The following C10orf67 variants were observed in gnomAD, a reference collection of about 807,000 sequenced individuals.
C10orf67 encodes the protein chromosome 10 open reading frame 67.
A neutral mutation model predicts 35.6 loss-of-function variants in C10orf67; 60 were observed. The ratio of observed to expected loss-of-function variants is 1.68; its 90% CI spans 1.37 to 2.09. The LOEUF (loss-of-function observed/expected upper bound fraction) is 2.09, where lower values mean the gene tolerates loss of function less well. Ranked by LOEUF, C10orf67 falls within the 30% of genes most tolerant of loss-of-function variation. The pLI, the probability that C10orf67 is intolerant of heterozygous loss-of-function variation, is 0.00. For missense variants in C10orf67, 474 were observed against 330.2 expected (o/e 1.44, Z -3.38); for synonymous variants, 167 against 115.8 (o/e 1.44, Z -2.84).
chr10:23,314,997 G>C (rs2132317745), intron 4 of C10orf67, among the ~76,000 whole-genome samples: 1 of 152,116 alleles, frequency 6.6e-6, no homozygotes, highest in Middle Eastern at 3.4e-3. Flanking sequence ...ATTTATACTT[G>C]TCAATCTACA....
rs1441818558 is a variant in C10orf67, at chr10:23,268,211, C to T, written c.976-957G>A. Reference sequence around the variant, plus strand: ...TCAGGTAGCTGAAGCAGGAGAATCGCTTGAGTCCAGGAGTTTGAGGTTACA... The same window carrying T: ...TCAGGTAGCTGAAGCAGGAGAATCGTTTGAGTCCAGGAGTTTGAGGTTACA... On this transcript the variant is annotated intron_variant, in intron 8 of 15. Transcript: ENST00000636213. 2.0e-5 allele frequency among the ~76,000 whole-genome samples: 3 copies of T among 152,156 alleles called. No homozygotes were observed. The East Asian group carries it at 5.8e-4, about 29-fold the overall frequency.
At chr10:23,241,835 A>G (rs1002956658) in intron 12 of C10orf67, among the ~76,000 whole-genome samples, 2 of 152,216 alleles carry the variant, frequency 1.3e-5, no homozygotes, top group African/African-American at 2.4e-5. Flanking sequence ...ACCTAGGGAC[A>G]TCATAATAAA....
At chr10:23,229,112 C>T (rs1232027059) in intron 13 of C10orf67, among the ~76,000 whole-genome samples, 1 of 152,070 alleles carries the variant, frequency 6.6e-6, no homozygotes, top group Non-Finnish European at 1.5e-5. Context: ...ATAAATCATG[C>T]TGCTATAAAG....
At position 23,333,129 on chromosome 10, in the gene C10orf67, G is replaced by A. The variant is rs765296264; in HGVS notation, c.260C>T (p.Thr87Ile). 1.2e-6 allele frequency: 2 copies of A among 1,610,264 alleles called. No homozygotes were observed. Among genetic ancestry groups the A allele is most frequent in the African/African-American group, 1.3e-5 (1 of 74,850 alleles). Residue 87 changes from threonine to isoleucine, a missense_variant, in exon 2 of 16, where the codon ACT (threonine) becomes ATT (isoleucine). Thr to Ile is a moderately conservative substitution (Grantham distance 89). Coordinates refer to ENST00000636213, the MANE Select transcript of C10orf67 (RefSeq NM_001371909.1). ...KIGFFSTDHATQTDSSEILSV... is the reference protein window; with the variant it reads ...KIGFFSTDHAIQTDSSEILSV... The stretch of plus-strand genomic sequence containing the variant: ...CAGTATTTCACTGGAATCAGTTTGA[G>A]TGGCATGGTCTGTGCTGAAAAAGCC...
At position 23,203,937 on chromosome 10, in the gene C10orf67, C is replaced by G. The variant is rs943822751; in HGVS notation, c.*236G>C. The G allele has an allele frequency of 5.9e-6, 2 of 341,242 alleles. No homozygotes were observed. The highest frequency in any genetic ancestry group is 1.0e-5 in the Non-Finnish European group (2 of 190,900). The allele number at this position is 341,242 out of a possible 1,614,324, so 21.1% of individuals were successfully genotyped here. On this transcript the variant is annotated 3_prime_UTR_variant, in exon 16 of 16. Coordinates refer to ENST00000636213, the MANE Select transcript of C10orf67 (RefSeq NM_001371909.1). ...GTTGCCCCGGAGGTTCAGTGCGCCC[C>G]GCTCACCCAGCACCAGCCAGGGCTT...
chr10:23,338,237 C>T (rs1845760426), intron 1 of C10orf67, among the ~76,000 whole-genome samples: 1 of 152,150 alleles, frequency 6.6e-6, no homozygotes, highest in Non-Finnish European at 1.5e-5. Flanking sequence ...TTTGCAGCCA[C>T]CCCTGCTTGC....
At chr10:23,228,541 T>A (rs543819972) in intron 13 of C10orf67, among the ~76,000 whole-genome samples, 132 of 152,130 alleles carry the variant, frequency 8.7e-4, no homozygotes, top group Non-Finnish European at 1.7e-3. Flanking sequence ...AAGGACTTCA[T>A]CTCTAAAACA....
intron 4 of C10orf67, among the ~76,000 whole-genome samples, chr10:23,313,300 T>C (rs766800182): frequency 1.3e-5 from 2 of 152,160 alleles, no homozygotes; most frequent in African/African-American, 4.8e-5. Flanking sequence ...AATCAGACAA[T>C]GGGTGGATGA....
chr10:23,264,740 G>A (rs1362992582), intron 10 of C10orf67, among the ~76,000 whole-genome samples: 1 of 152,120 alleles, frequency 6.6e-6, no homozygotes, highest in African/African-American at 2.4e-5. Flanking sequence ...TGCTACAGCT[G>A]CCCCCTGCTG....
In C10orf67 at chr10:23,280,329, C is replaced by T. The variant is rs60554629; in HGVS notation, c.975+1684G>A. On this transcript the variant is annotated intron_variant, in intron 8 of 15. Coordinates refer to ENST00000636213, the MANE Select transcript of C10orf67 (RefSeq NM_001371909.1). ...ACAAAACGACTGTGGTCAACTCCACCTTCTCCCACTCTCCCTTGTCAGTGC... is the reference window on the plus strand; with the variant it reads ...ACAAAACGACTGTGGTCAACTCCACTTTCTCCCACTCTCCCTTGTCAGTGC... Among the ~76,000 whole-genome samples the T allele has an allele frequency of 3.0e-3, 459 of 152,334 alleles. 13 individuals carry two copies. The East Asian group carries it at 0.049, about 16-fold the overall frequency.
intron 12 of C10orf67, among the ~76,000 whole-genome samples, chr10:23,245,591 T>A (rs998489821): frequency 6.6e-6 from 1 of 152,258 alleles, no homozygotes; most frequent in South Asian, 2.1e-4. Context: ...AATGGCCAAG[T>A]ATATGAAAAA....
intron 13 of C10orf67, among the ~76,000 whole-genome samples, chr10:23,229,834 C>T (rs1330474949): frequency 6.6e-6 from 1 of 151,920 alleles, no homozygotes; most frequent in Non-Finnish European, 1.5e-5. Flanking sequence ...TGAAATAATA[C>T]CTAAACAAAA....
intron 10 of C10orf67, among the ~76,000 whole-genome samples, chr10:23,262,678 C>A (rs1842784427): frequency 6.6e-6 from 1 of 152,168 alleles, no homozygotes; most frequent in Non-Finnish European, 1.5e-5. Context: ...TTGACAACAT[C>A]TTTTCATGTA....
Position 23,239,817 on chromosome 10 carries a change from C to A in C10orf67, c.1347-1G>T. On this transcript the variant is annotated splice_acceptor_variant, in intron 12 of 15. Transcript: ENST00000636213. LOFTEE classifies it high-confidence loss of function. Reference sequence around the variant, plus strand: ...CATCTCATTCTTAAGGACATGAAAGCTGAAATTTTAAAAATGATGAAACTT... The same window carrying A: ...CATCTCATTCTTAAGGACATGAAAGATGAAATTTTAAAAATGATGAAACTT... 1 of 611,604 alleles carries A rather than the reference C, an allele frequency of 1.6e-6. No homozygotes were observed. The highest frequency in any genetic ancestry group is 3.2e-6 in the Non-Finnish European group (1 of 312,766). 37.9% of individuals were successfully genotyped at this position (611,604 alleles called of 1,614,324 possible). A position where few individuals can be genotyped will look rare whatever the true frequency, so the allele number is the denominator to read the frequency against.
chr10:23,303,450 C>G lies in C10orf67; in HGVS notation c.556G>C (p.Glu186Gln), dbSNP rs968198360. Residue 186 changes from glutamate (E) to glutamine (Q), a missense_variant, in exon 5 of 16, where the codon GAG (glutamate) becomes CAG (glutamine). Physicochemically the swap from Glu to Gln is conservative, Grantham distance 29 (BLOSUM62 2). Coordinates refer to ENST00000636213, the MANE Select transcript of C10orf67 (RefSeq NM_001371909.1). ...AAAGAAACATTCTCTTCTTCTACCT[C>G]AAAGAATTGCTAGGGACAAAAAAAA... ...VIKGMYQQFF[E>Q]VEEENVSLQD... 1 of 561,686 alleles carries G rather than the reference C, an allele frequency of 1.8e-6. No homozygotes were observed. Among genetic ancestry groups the G allele is most frequent in the Non-Finnish European group, 3.2e-6 (1 of 311,884 alleles). 34.8% of individuals were successfully genotyped at this position (561,686 alleles called of 1,614,324 possible). A position where few individuals can be genotyped will look rare whatever the true frequency, so the allele number is the denominator to read the frequency against.
At chr10:23,235,157 A>G (rs1842016223) in intron 13 of C10orf67, among the ~76,000 whole-genome samples, 1 of 152,192 alleles carries the variant, frequency 6.6e-6, no homozygotes, top group Non-Finnish European at 1.5e-5. Context: ...AATGGAAAAG[A>G]ATAGCGTAGT....
At chr10:23,270,193 G>T (rs1196460628) in intron 8 of C10orf67, among the ~76,000 whole-genome samples, 1 of 152,106 alleles carries the variant, frequency 6.6e-6, no homozygotes, top group African/African-American at 2.4e-5. Context: ...TCTCACACTG[G>T]GACCAACTAG....
At chr10:23,214,068 A>C (rs749361249) in intron 15 of C10orf67, among the ~76,000 whole-genome samples, 1 of 152,088 alleles carries the variant, frequency 6.6e-6, no homozygotes. Flanking sequence ...ATACAATAGA[A>C]TTTAAGACAT....
intron 13 of C10orf67, among the ~76,000 whole-genome samples, chr10:23,237,405 C>T (rs1465314818): frequency 1.3e-5 from 2 of 152,104 alleles, no homozygotes; most frequent in African/African-American, 4.8e-5. Context: ...CCTGTGTCCT[C>T]GCCATTCCAC....
Sources: allele counts gnomAD v4.1 joint callset (sites outside exome capture counted in the v4.1 genomes callset), GRCh38; gene constraint gnomAD v4.1.1; transcripts MANE v1.5; gene names NCBI Gene and HGNC (gene_info 2026-07-23, HGNC 2026-07-21).